The following DGKB variants were observed in gnomAD, a reference collection of about 807,000 sequenced individuals.
DGKB encodes the protein 90 kDa diacylglycerol kinase.
In DGKB, 67 loss-of-function variants were observed where a neutral mutation model predicts 114.3. The observed-to-expected ratio is 0.59, with a 90% CI of 0.48 to 0.72. DGKB has a LOEUF of 0.72. Among genes scored for constraint, DGKB ranks in the 30% least tolerant of loss-of-function variants. The pLI is 0.00. For synonymous variants in DGKB, 398 were observed against 323.1 expected, an observed-to-expected ratio of 1.23 and a Z score of -2.49; for missense variants, 907 against 975.2, an observed-to-expected ratio of 0.93 and a Z score of 0.93.
chr7:14,723,719 T>C lies in DGKB; in HGVS notation c.323-5034A>G, dbSNP rs139256626. ...ATCTTGTACTTAGCATTTATTTCTG[T>C]TAAAATAAGTTCATTATATATACAC... is the stretch of plus-strand genomic sequence containing the variant. On this transcript the variant is annotated intron_variant, in intron 5 of 25. Transcript: ENST00000402815. 2.4e-3 allele frequency among the ~76,000 whole-genome samples: 366 copies of C among 152,306 alleles called. 1 individual carries two copies. The highest frequency in any genetic ancestry group is 8.7e-3 in the African/African-American group (362 of 41,566).
chr7:14,828,993 A>C (rs2128118306), intron 2 of DGKB, among the ~76,000 whole-genome samples: 1 of 152,226 alleles, frequency 6.6e-6, no homozygotes, highest in South Asian at 2.1e-4. Flanking sequence ...GTAAGTCAGA[A>C]GTTTATCAAC....
chr7:14,373,128 G>A (rs888516229), intron 21 of DGKB, among the ~76,000 whole-genome samples: 4 of 152,110 alleles, frequency 2.6e-5, no homozygotes, highest in Admixed American at 2.6e-4. Flanking sequence ...TCGAGTTAAC[G>A]GCCACTGTGT....
chr7:14,788,551 A>C (rs1263283176), intron 2 of DGKB, among the ~76,000 whole-genome samples: 1 of 152,116 alleles, frequency 6.6e-6, no homozygotes, highest in Non-Finnish European at 1.5e-5. Flanking sequence ...CTGTGCCACT[A>C]TCCACTTACC....
chr7:14,964,239 C>T (rs186898573), intron 1 of DGKB, among the ~76,000 whole-genome samples: 2 of 152,278 alleles, frequency 1.3e-5, no homozygotes, highest in Admixed American at 6.5e-5. Context: ...AGCCCAGTGG[C>T]TCACACCTGT....
At chr7:14,596,604 C>G (rs1036266032) in intron 17 of DGKB, among the ~76,000 whole-genome samples, 6 of 152,166 alleles carry the variant, frequency 3.9e-5, no homozygotes, top group African/African-American at 1.4e-4. Context: ...GTAATTGGAC[C>G]TCATCCTCTT....
chr7:14,424,273 C>T (rs1563155228), intron 21 of DGKB, among the ~76,000 whole-genome samples: 1 of 152,108 alleles, frequency 6.6e-6, no homozygotes, highest in Non-Finnish European at 1.5e-5. Flanking sequence ...GTTTCAATCA[C>T]TCAGCTCTTG....
chr7:14,566,196 T>C (rs1244998814), intron 20 of DGKB, among the ~76,000 whole-genome samples: 1 of 152,152 alleles, frequency 6.6e-6, no homozygotes, highest in East Asian at 1.9e-4. Context: ...GCTGTATAAT[T>C]ATATGTAAGG....
At chr7:14,159,262 T>C (rs1023179121) in intron 25 of DGKB, among the ~76,000 whole-genome samples, 1 of 152,164 alleles carries the variant, frequency 6.6e-6, no homozygotes, top group African/African-American at 2.4e-5. Context: ...CTGTACTGTT[T>C]TCTCTGCATA....
upstream of DGKB, among the ~76,000 whole-genome samples, chr7:14,903,713 T>C (rs1213282467): frequency 6.6e-6 from 1 of 152,202 alleles, no homozygotes; most frequent in East Asian, 1.9e-4. Flanking sequence ...TATGTATGTG[T>C]AACCAATCAG....
chr7:14,146,398 A>AGAG lies in DGKB; in HGVS notation c.*2730_*2732dup, dbSNP rs1360044528. On this transcript the variant is annotated 3_prime_UTR_variant, in exon 26 of 26. Coordinates refer to ENST00000402815, the MANE Select transcript of DGKB (RefSeq NM_001350709.2). ...TAAGTCCAGCATTAATTTACATTTA[A>AGAG]GAGTTTCAGCCACTTAAAACTTTAT... is the stretch of plus-strand genomic sequence containing the variant. 1 of 152,172 alleles carries AGAG rather than the reference A, an allele frequency of 6.6e-6. No individual in the cohort carries two copies. Among genetic ancestry groups the AGAG allele is most frequent in the East Asian group, 1.9e-4 (1 of 5,190 alleles). The allele number at this position is 152,172 out of a possible 1,614,324, so 9.4% of individuals were successfully genotyped here. A position where few individuals can be genotyped will look rare whatever the true frequency, so the allele number is the denominator to read the frequency against.
chr7:14,194,929 C>A (rs565069537), intron 23 of DGKB, among the ~76,000 whole-genome samples: 3 of 152,082 alleles, frequency 2.0e-5, no homozygotes, highest in Non-Finnish European at 4.4e-5. Context: ...TCAGGGCCTG[C>A]AAGTCACTGT....
chr7:14,269,571 T>G (rs1015215330), intron 23 of DGKB, among the ~76,000 whole-genome samples: 3 of 152,180 alleles, frequency 2.0e-5, no homozygotes, highest in African/African-American at 7.2e-5. Context: ...ACTCCACCTC[T>G]GAGTCTTACA....
At chr7:14,720,622 C>T (rs1253883053) in intron 5 of DGKB, among the ~76,000 whole-genome samples, 2 of 151,912 alleles carry the variant, frequency 1.3e-5, no homozygotes, top group Admixed American at 6.6e-5. Flanking sequence ...GGATTACAGG[C>T]GTGAGCCACC....
intron 2 of DGKB, among the ~76,000 whole-genome samples, chr7:14,812,489 C>T (rs1049731545): frequency 2.6e-5 from 4 of 151,978 alleles, no homozygotes; most frequent in Non-Finnish European, 5.9e-5. Context: ...TTTTTCTGCC[C>T]CTTATTTTCT....
At position 14,473,458 on chromosome 7, in the gene DGKB, T is replaced by A. The variant is rs528321899; in HGVS notation, c.1835+4703A>T. Among the ~76,000 whole-genome samples, 17 of 152,306 alleles carry A rather than the reference T, an allele frequency of 1.1e-4. No individual in the cohort carries two copies. The East Asian group carries it at 3.1e-3, about 28-fold the overall frequency. On this transcript the variant is annotated intron_variant, in intron 21 of 25. Coordinates refer to ENST00000402815, the MANE Select transcript of DGKB (RefSeq NM_001350709.2). ...AAGCAGTTTGCTGCAGGGGCAGGAC[T>A]CTCACAGAGAACCTCTGCTAGGGCA... is the stretch of plus-strand genomic sequence containing the variant.
chr7:14,966,237 A>T (rs967169230), intron 1 of DGKB, among the ~76,000 whole-genome samples: 1 of 152,112 alleles, frequency 6.6e-6, no homozygotes, highest in African/African-American at 2.4e-5. Context: ...CTAGTTAGAC[A>T]TATAGTACAC....
intron 4 of DGKB, among the ~76,000 whole-genome samples, chr7:14,743,801 C>G (rs1378865754): frequency 6.6e-6 from 1 of 151,920 alleles, no homozygotes; most frequent in Admixed American, 6.6e-5. Context: ...CTGTAACTAC[C>G]CTGGTCATTT....
In DGKB at chr7:14,713,136, TCAGAG is replaced by T. The variant is rs540403119; in HGVS notation, c.466+5401_466+5405del. Among the ~76,000 whole-genome samples the T allele has an allele frequency of 4.6e-3, 698 of 152,228 alleles. 2 individuals carry two copies. The highest frequency in any genetic ancestry group is 8.3e-3 in the Non-Finnish European group (565 of 67,996). On this transcript the variant is annotated intron_variant, in intron 6 of 25. Transcript: ENST00000402815. ...CCCACACACGTATTTAGTTAAAAGA[TCAGAG>T]CAAAGGCATATTATGCAAGATAATT...
intron 8 of DGKB, among the ~76,000 whole-genome samples, chr7:14,697,780 A>AAG (rs1430879683): frequency 2.4e-4 from 33 of 136,670 alleles, no homozygotes; most frequent in African/African-American, 7.7e-4. Flanking sequence ...AACAAAGAGA[A>AAG]AGAAAGAAAG....
Sources: allele counts gnomAD v4.1 joint callset (sites outside exome capture counted in the v4.1 genomes callset), GRCh38; gene constraint gnomAD v4.1.1; transcripts MANE v1.5; gene names NCBI Gene and HGNC (gene_info 2026-07-23, HGNC 2026-07-21).